Variants in GNG5 observed in about 807,000 individuals in gnomAD.
GNG5 encodes guanine nucleotide-binding protein G(I)/G(S)/G(O) subunit gamma-5.
Under a neutral mutation model 6.2 loss-of-function variants are expected in GNG5, and 2 were observed. The observed-to-expected ratio is 0.32, with a 90% CI of 0.13 to 1.01. The LOEUF (loss-of-function observed/expected upper bound fraction) is 1.01, where lower values mean the gene tolerates loss of function less well. GNG5 is among the 50% of genes least tolerant of loss of function. The pLI, the probability that GNG5 is intolerant of heterozygous loss-of-function variation, is 0.48. For missense variants in GNG5, 57 were observed against 80.2 expected, an observed-to-expected ratio of 0.71 and a Z score of 1.10; for synonymous variants, 24 against 33.0, an observed-to-expected ratio of 0.73 and a Z score of 0.93.
intron 2 of GNG5, 147 bp from the exon 3 acceptor site, chr1:84,502,117 G>C: frequency 2.9e-6 from 1 of 347,686 alleles, no homozygotes; most frequent in Non-Finnish European, 5.4e-6. Flanking sequence ...GAAGACTTAA[G>C]TCAAATAGTG....
At chr1:84,505,872 G>T in intron 2 of GNG5, 139 bp downstream of exon 2, 1 of 531,336 alleles carries the variant, frequency 1.9e-6, no homozygotes, top group Non-Finnish European at 3.0e-6. Context: ...GCCGCTCCCC[G>T]ATCGCCGCCG....
At chr1:84,499,286 CAG>C (rs1682004065) in intron 3 of GNG5, among the ~76,000 whole-genome samples, 2 of 152,046 alleles carry the variant, frequency 1.3e-5, no homozygotes, top group Admixed American at 1.3e-4. Flanking sequence ...AAGGCATAAA[CAG>C]AATGCTGTGA....
intron 2 of GNG5, among the ~76,000 whole-genome samples, chr1:84,505,617 G>C (rs765750811): frequency 1.1e-4 from 17 of 152,252 alleles, no homozygotes; most frequent in Non-Finnish European, 2.1e-4. Context: ...AAAATACCCT[G>C]TCCGATGAGA....
chr1:84,500,726 A>G (rs1254580589), intron 3 of GNG5, among the ~76,000 whole-genome samples: 1 of 152,142 alleles, frequency 6.6e-6, no homozygotes, highest in Non-Finnish European at 1.5e-5. Context: ...AAACTTAAAC[A>G]TCTTAACCAA....
chr1:84,505,888 C>T, intron 2 of GNG5, 123 bp downstream of exon 2: 1 of 620,580 alleles, frequency 1.6e-6, no homozygotes, highest in Non-Finnish European at 2.4e-6. Context: ...CGCCGCTGAG[C>T]GCGCGTCCTC....
At chr1:84,499,504 C>G (rs1288968291) in intron 3 of GNG5, among the ~76,000 whole-genome samples, 1 of 152,130 alleles carries the variant, frequency 6.6e-6, no homozygotes, top group Non-Finnish European at 1.5e-5. Context: ...TAGATGTTCA[C>G]CAAAATCTTC....
intron 2 of GNG5, 34 bp from the exon 3 acceptor site, chr1:84,502,004 T>C (rs745467789): frequency 1.9e-6 from 3 of 1,572,430 alleles, no homozygotes; most frequent in South Asian, 1.1e-5. Context: ...AAGTGCCAGA[T>C]GGTGAGAACA....
chr1:84,502,132 C>CTTT lies in GNG5; in HGVS notation c.82-165_82-163dup, dbSNP rs140132840. The stretch of plus-strand genomic sequence containing the variant: ...GAAGACTTAAGTCAAATAGTGAGCT[C>CTTT]TTTTTTTTTTTTTTTTTTTTTTTGA... On this transcript the variant is annotated intron_variant, in intron 2 of 3. Transcript: ENST00000370645. Among the ~76,000 whole-genome samples the CTTT allele has an allele frequency of 2.0e-3, 206 of 102,068 alleles. 1 individual carries two copies. The highest frequency in any genetic ancestry group is 2.8e-3 in the African/African-American group (67 of 23,562). The allele number at this position is 102,068 out of a possible 152,430, so 67.0% of individuals were successfully genotyped here.
chr1:84,505,371 C>T (rs1426085627), intron 2 of GNG5, among the ~76,000 whole-genome samples: 1 of 152,176 alleles, frequency 6.6e-6, no homozygotes, highest in East Asian at 1.9e-4. Context: ...GCAAACTGTG[C>T]CATAGGTATG....
At chr1:84,499,700 TG>T (rs1682015559) in intron 3 of GNG5, among the ~76,000 whole-genome samples, 1 of 152,236 alleles carries the variant, frequency 6.6e-6, no homozygotes, top group South Asian at 2.1e-4. Context: ...TGCATTTTTT[TG>T]TGCATACATG....
At chr1:84,505,883 C>T (rs1237486673) in intron 2 of GNG5, 128 bp downstream of exon 2, 4 of 600,822 alleles carry the variant, frequency 6.7e-6, no homozygotes, top group Non-Finnish European at 1.0e-5. Context: ...ATCGCCGCCG[C>T]TGAGCGCGCG....
At chr1:84,505,091 C>CT (rs1037259625) in intron 2 of GNG5, among the ~76,000 whole-genome samples, 4 of 152,292 alleles carry the variant, frequency 2.6e-5, no homozygotes, top group East Asian at 1.9e-4. Flanking sequence ...ATTCTTGTTT[C>CT]TTTTTTTAAC....
chr1:84,502,107 G>T, intron 2 of GNG5, 137 bp from the exon 3 acceptor site: 4 of 426,494 alleles, frequency 9.4e-6, no homozygotes, highest in East Asian at 4.4e-5. Context: ...TATAATAATT[G>T]AAGACTTAAG....
intron 3 of GNG5, among the ~76,000 whole-genome samples, chr1:84,501,350 C>G (rs1477683293): frequency 6.6e-6 from 1 of 152,210 alleles, no homozygotes; most frequent in African/African-American, 2.4e-5. Context: ...CCAATCTTTG[C>G]TATACTGCTC....
rs1364364885 is a variant in GNG5 at position 84,506,282 on chromosome 1, A to G, written c.-191T>C. 4.7e-6 allele frequency: 2 copies of G among 427,266 alleles called. No homozygotes were observed. Among genetic ancestry groups the G allele is most frequent in the South Asian group, 4.5e-5 (1 of 22,130 alleles). 26.5% of individuals were successfully genotyped at this position (427,266 alleles called of 1,614,324 possible). Reference sequence around the variant, plus strand: ...TGCCAGCCCTCTGTTCCAGCTCCACACCCGGCCCCGAGCGCGAGCCTGGAG... The same window carrying G: ...TGCCAGCCCTCTGTTCCAGCTCCACGCCCGGCCCCGAGCGCGAGCCTGGAG... On this transcript the variant is annotated 5_prime_UTR_variant, in exon 2 of 4. Transcript: ENST00000370645.
In GNG5 at chr1:84,506,107, C is replaced by T. The variant is rs1013356274; in HGVS notation, c.-16G>A. ...AGCCAGACATGGTGCACGCGACGGC[C>T]GGGCCGATTCGTGGGTCGGTGGGTC... On this transcript the variant is annotated 5_prime_UTR_variant, in exon 2 of 4. Transcript: ENST00000370645. The T allele has an allele frequency of 1.9e-6, 3 of 1,569,134 alleles. No homozygotes were observed. Among genetic ancestry groups the T allele is most frequent in the Non-Finnish European group, 1.7e-6 (2 of 1,158,932 alleles).
rs187395263 is a variant in GNG5, at chr1:84,499,764, A to G, written c.*20-1216T>C. Among the ~76,000 whole-genome samples, 11 of 152,228 alleles carry G rather than the reference A, an allele frequency of 7.2e-5. No homozygotes were observed. The East Asian group carries it at 2.1e-3, about 29-fold the overall frequency. ...GTGTTATTCTATTTTGTTTTGTGTA[A>G]AAGAGGAAAAATTTCAAAAGCTGGA... On this transcript the variant is annotated intron_variant, in intron 3 of 3. Transcript: ENST00000370645.
chr1:84,499,737 C>T (rs1198496277), intron 3 of GNG5, among the ~76,000 whole-genome samples: 1 of 151,924 alleles, frequency 6.6e-6, no homozygotes, highest in Non-Finnish European at 1.5e-5. Context: ...GTTTTTAATC[C>T]TGTGTTATTC....
intron 3 of GNG5, among the ~76,000 whole-genome samples, chr1:84,499,739 GTGT>G (rs1682016894): frequency 1.3e-5 from 2 of 152,012 alleles, no homozygotes; most frequent in Non-Finnish European, 2.9e-5. Flanking sequence ...TTTTAATCCT[GTGT>G]TATTCTATTT....
Sources: gnomAD v4.1 joint callset for allele counts (sites outside exome capture counted in the v4.1 genomes callset) on GRCh38, gnomAD v4.1.1 for gene constraint, MANE v1.5 for transcripts, NCBI Gene and HGNC (gene_info 2026-07-23, HGNC 2026-07-21) for gene names.